The following PCDH15 variants were observed in gnomAD, a reference collection of about 807,000 sequenced individuals.
PCDH15 encodes the protein protocadherin related 15, also known as protocadherin-15.
Under a neutral mutation model 178.5 loss-of-function variants are expected in PCDH15, and 129 were observed. The observed-to-expected ratio is 0.72, with a 90% CI of 0.63 to 0.84. The LOEUF (loss-of-function observed/expected upper bound fraction) is 0.84. PCDH15 is among the 40% of genes least tolerant of loss of function. The probability of loss-of-function intolerance (pLI) is 0.00; values close to 1 mark genes in which losing one functional copy is unlikely to be tolerated. For synonymous variants in PCDH15, 800 were observed against 732.0 expected, an observed-to-expected ratio of 1.09 and a Z score of -1.50; for missense variants, 2,230 against 2,099.9, an observed-to-expected ratio of 1.06 and a Z score of -1.21.
intron 23 of PCDH15, among the ~76,000 whole-genome samples, chr10:53,952,519 G>C (rs1323298582): frequency 2.0e-5 from 3 of 152,160 alleles, no homozygotes; most frequent in African/African-American, 7.2e-5. Flanking sequence ...ATTGCTGATT[G>C]GTCCATGGGC....
chr10:55,472,438 T>C (rs1438376017), intron 2 of PCDH15, among the ~76,000 whole-genome samples: 1 of 150,868 alleles, frequency 6.6e-6, no homozygotes, highest in Non-Finnish European at 1.5e-5. Context: ...TGGAAGAGAG[T>C]TCTTCAGAAT....
chr10:53,913,486 C>T (rs1269155227), intron 25 of PCDH15, among the ~76,000 whole-genome samples: 1 of 151,742 alleles, frequency 6.6e-6, no homozygotes, highest in Non-Finnish European at 1.5e-5. Context: ...GTAATCCCAG[C>T]ACTTTGGGAG....
In PCDH15 at chr10:54,257,042, C is replaced by T. The variant is rs549198506; in HGVS notation, c.877-20111G>A. Among the ~76,000 whole-genome samples, 463 of 135,478 alleles carry T rather than the reference C, an allele frequency of 3.4e-3. 2 individuals carry two copies. Among genetic ancestry groups the T allele is most frequent in the Non-Finnish European group, 4.7e-3 (288 of 61,750 alleles). The allele number at this position is 135,478 out of a possible 152,430, so 88.9% of individuals were successfully genotyped here. A position where few individuals can be genotyped will look rare whatever the true frequency, so the allele number is the denominator to read the frequency against. On this transcript the variant is annotated intron_variant, in intron 8 of 37. Coordinates refer to ENST00000644397, the MANE Select transcript of PCDH15 (RefSeq NM_001384140.1). ...ATTCACTTTCTCATTCTCTCTCTCT[C>T]GATAGATTAGATAGATAGATAGATA...
rs142045661 is a variant in PCDH15 at position 55,252,627 on chromosome 10, G to A, written c.-156+66972C>T. On this transcript the variant is annotated intron_variant, in intron 1 of 5. Coordinates refer to the PCDH15 transcript ENST00000458638. ...ACATTAATTAGCTGAGAAAACTCAC[G>A]TTGAGGAGTCTAAAATATTAGTGAA... Among the ~76,000 whole-genome samples, 1,236 of 152,078 alleles carry A rather than the reference G, an allele frequency of 8.1e-3. 11 individuals carry two copies. Among genetic ancestry groups the A allele is most frequent in the African/African-American group, 0.027 (1,133 of 41,498 alleles).
intron 10 of PCDH15, among the ~76,000 whole-genome samples, chr10:54,210,382 G>A (rs933299271): frequency 5.3e-5 from 8 of 152,040 alleles, no homozygotes; most frequent in African/African-American, 1.7e-4. Context: ...GCTTCTATGT[G>A]CTGTATATAG....
chr10:54,571,535 C>T (rs962645618), intron 2 of PCDH15, among the ~76,000 whole-genome samples: 1 of 152,056 alleles, frequency 6.6e-6, no homozygotes, highest in South Asian at 2.1e-4. Context: ...AGGCAATGTA[C>T]TAACCCATGA....
intron 1 of PCDH15, among the ~76,000 whole-genome samples, chr10:55,273,039 C>G (rs780013683): frequency 1.3e-5 from 2 of 151,998 alleles, no homozygotes; most frequent in East Asian, 3.9e-4. Flanking sequence ...TTTTTATAAG[C>G]CCAAGCAGAT....
Position 55,043,548 on chromosome 10 carries a change from A to T in PCDH15, c.-80+123028T>A, listed in dbSNP as rs187671075. The stretch of plus-strand genomic sequence containing the variant: ...ACACAGTGAGATCCCGTCTCTATAA[A>T]AAATAAAAAAAAATAACTTGTCACA... On this transcript the variant is annotated intron_variant, in intron 2 of 5. Coordinates refer to the PCDH15 transcript ENST00000458638. 2.3e-3 allele frequency among the ~76,000 whole-genome samples: 346 copies of T among 151,978 alleles called. 2 individuals carry two copies. The highest frequency in any genetic ancestry group is 7.9e-3 in the African/African-American group (326 of 41,480).
intron 2 of PCDH15, among the ~76,000 whole-genome samples, chr10:55,612,413 T>C (rs1453020896): frequency 1.3e-5 from 2 of 152,090 alleles, no homozygotes; most frequent in Admixed American, 1.3e-4. Flanking sequence ...TAAAATTGAA[T>C]ATGGCACGTC....
chr10:55,066,060 T>A (rs938915559), intron 2 of PCDH15, among the ~76,000 whole-genome samples: 3 of 151,972 alleles, frequency 2.0e-5, no homozygotes, highest in Non-Finnish European at 4.4e-5. Context: ...TGTTCACATA[T>A]GTCAGGAATT....
chr10:55,159,388 T>TATATATACAC (rs1465817928), intron 2 of PCDH15, among the ~76,000 whole-genome samples: 66 of 19,326 alleles, frequency 3.4e-3, no homozygotes, highest in African/African-American at 4.8e-3. Context: ...TATATATATA[T>TATATATACAC]ACACACATAC....
chr10:55,392,979 ATGTGTGTGTGTG>A (rs10546546), intron 2 of PCDH15, among the ~76,000 whole-genome samples: 4 of 144,058 alleles, frequency 2.8e-5, no homozygotes, highest in South Asian at 2.3e-4. Flanking sequence ...ACTAAAGTGT[ATGTGTGTGTGTG>A]TGTGTGTGTG....
chr10:54,571,333 G>GAAAAAAAAAAAAAAAAAAAAAAA (rs60604711), intron 2 of PCDH15, among the ~76,000 whole-genome samples: 1 of 128,574 alleles, frequency 7.8e-6, no homozygotes, highest in African/African-American at 3.0e-5. Flanking sequence ...GACAAAATTT[G>GAAAAAAAAAAAAAAAAAAAAAAA]AAAAAAAAAA....
At chr10:55,255,199 G>A (rs915084419) in intron 1 of PCDH15, among the ~76,000 whole-genome samples, 3 of 148,360 alleles carry the variant, frequency 2.0e-5, no homozygotes, top group East Asian at 2.1e-4. Context: ...TAGAACATGC[G>A]GTGTTTGGTT....
chr10:54,576,071 T>C (rs2090446818), intron 2 of PCDH15, among the ~76,000 whole-genome samples: 1 of 152,132 alleles, frequency 6.6e-6, no homozygotes, highest in Non-Finnish European at 1.5e-5. Flanking sequence ...ACAAACAAGC[T>C]CTATTCTTCT....
chr10:55,345,633 C>A (rs527773145), intron 2 of PCDH15, among the ~76,000 whole-genome samples: 2 of 152,138 alleles, frequency 1.3e-5, no homozygotes, highest in Admixed American at 6.6e-5. Flanking sequence ...ATTTTATTTG[C>A]AATGGTACAC....
At chr10:54,748,559 A>C (rs1945780924) in intron 1 of PCDH15, among the ~76,000 whole-genome samples, 1 of 152,192 alleles carries the variant, frequency 6.6e-6, no homozygotes, top group African/African-American at 2.4e-5. Flanking sequence ...GAAGGCAAAC[A>C]CTATATTTTA....
At chr10:55,271,727 G>T (rs1200968697) in intron 1 of PCDH15, among the ~76,000 whole-genome samples, 1 of 151,954 alleles carries the variant, frequency 6.6e-6, no homozygotes, top group East Asian at 1.9e-4. Flanking sequence ...ACTAGGTCTT[G>T]GTACTCTGGC....
chr10:54,655,292 G>GAGAGAGAGAGAGAGAGAGAGAC (rs1565866271), intron 2 of PCDH15, among the ~76,000 whole-genome samples: 7 of 121,156 alleles, frequency 5.8e-5, no homozygotes, highest in Non-Finnish European at 7.3e-5. Flanking sequence ...GAGAGAGAGA[G>GAGAGAGAGAGAGAGAGAGAGAC]AGAGAGAGAG....
Sources: allele counts gnomAD v4.1 joint callset (sites outside exome capture counted in the v4.1 genomes callset), GRCh38; gene constraint gnomAD v4.1.1; transcripts MANE v1.5; gene names NCBI Gene and HGNC (gene_info 2026-07-23, HGNC 2026-07-21).